The following SCFD2 variants were observed in gnomAD, a reference collection of about 807,000 sequenced individuals.
SCFD2 encodes the protein sec1 family domain-containing protein 2.
SCFD2 carries 54 observed loss-of-function variants against 58.9 expected under a neutral mutation model. The observed-to-expected ratio is 0.92, with a 90% confidence interval of 0.74 to 1.15. The LOEUF is 1.15. Among genes scored for constraint, SCFD2 ranks in the 50% most tolerant of loss-of-function variants. The probability of loss-of-function intolerance (pLI) is 0.00; values close to 1 mark genes in which losing one functional copy is unlikely to be tolerated. For missense variants in SCFD2, 805 were observed against 836.6 expected, an observed-to-expected ratio of 0.96 and a Z score of 0.47; for synonymous variants, 321 against 335.9, an observed-to-expected ratio of 0.96 and a Z score of 0.49.
At chr4:53,172,421 T>G (rs1727207694) in intron 4 of SCFD2, among the ~76,000 whole-genome samples, 1 of 152,352 alleles carries the variant, frequency 6.6e-6, no homozygotes, top group African/African-American at 2.4e-5. Flanking sequence ...TTCCTTGAGA[T>G]AAAACATTAG....
intron 3 of SCFD2, among the ~76,000 whole-genome samples, chr4:53,303,359 C>G (rs1043930993): frequency 1.3e-5 from 2 of 152,190 alleles, no homozygotes; most frequent in African/African-American, 4.8e-5. Context: ...AAATGCTCAT[C>G]ATCACTGGTC....
intron 4 of SCFD2, among the ~76,000 whole-genome samples, chr4:53,182,099 T>C (rs1727581986): frequency 1.3e-5 from 2 of 152,196 alleles, no homozygotes; most frequent in South Asian, 2.1e-4. Flanking sequence ...ATAGATTCAA[T>C]GCCATCCCCA....
chr4:53,066,572 G>GT (rs1382979681), intron 5 of SCFD2, among the ~76,000 whole-genome samples: 4 of 152,090 alleles, frequency 2.6e-5, no homozygotes, highest in South Asian at 2.1e-4. Flanking sequence ...ACTTGCACCT[G>GT]TATGGGTCCT....
At chr4:53,253,395 A>G (rs1450928626) in intron 4 of SCFD2, among the ~76,000 whole-genome samples, 1 of 152,084 alleles carries the variant, frequency 6.6e-6, no homozygotes, top group Non-Finnish European at 1.5e-5. Flanking sequence ...CTGGGTATAT[A>G]CCCAAAGGAC....
intron 5 of SCFD2, among the ~76,000 whole-genome samples, chr4:53,101,429 A>T (rs1724830218): frequency 6.6e-6 from 1 of 152,180 alleles, no homozygotes; most frequent in Non-Finnish European, 1.5e-5. Flanking sequence ...GATTCTAGTT[A>T]ACAGTAATGT....
intron 5 of SCFD2, among the ~76,000 whole-genome samples, chr4:52,976,730 G>A (rs1721267861): frequency 6.6e-6 from 1 of 152,116 alleles, no homozygotes; most frequent in Non-Finnish European, 1.5e-5. Context: ...AACAAGTGTG[G>A]CAGCCCCATT....
At chr4:53,228,466 A>T (rs764510858) in intron 4 of SCFD2, among the ~76,000 whole-genome samples, 3 of 152,178 alleles carry the variant, frequency 2.0e-5, no homozygotes, top group African/African-American at 7.2e-5. Context: ...CAACAATAAC[A>T]TTACCTCTTT....
chr4:52,920,760 T>C lies in SCFD2; in HGVS notation c.1672A>G (p.Lys558Glu). 6.2e-7 allele frequency: 1 copy of C among 1,610,628 alleles called. No individual in the cohort carries two copies. Among genetic ancestry groups the C allele is most frequent in the Non-Finnish European group, 8.5e-7 (1 of 1,177,816 alleles). Residue 558 changes from lysine to glutamate, a missense_variant, in exon 6 of 9, where the codon AAG (lysine) becomes GAG (glutamate). This residue lies in a region of SCFD2 where 633 missense variants were observed against 646.8 expected (regional missense o/e 0.98). Coordinates refer to ENST00000401642, the MANE Select transcript of SCFD2 (RefSeq NM_152540.4). ...TGATTTCCAGGAACATATACAGACT[T>C]AAACTGTTTCAGGAGACTCCGAGCT... ...AGARSLLKQF[K>E]SVYVPGNHTH...
At chr4:53,344,622 A>G (rs990451762) in intron 2 of SCFD2, among the ~76,000 whole-genome samples, 8 of 152,216 alleles carry the variant, frequency 5.3e-5, no homozygotes, top group African/African-American at 1.7e-4. Context: ...ATGGAACCAA[A>G]AAAGAGCCCG....
chr4:53,011,584 G>GT (rs1722094506), intron 5 of SCFD2, among the ~76,000 whole-genome samples: 1 of 152,224 alleles, frequency 6.6e-6, no homozygotes, highest in African/African-American at 2.4e-5. Context: ...CTTGTAGTGT[G>GT]TTGTGTACAT....
chr4:53,001,706 T>C (rs1721869013), intron 5 of SCFD2, among the ~76,000 whole-genome samples: 1 of 152,234 alleles, frequency 6.6e-6, no homozygotes, highest in Non-Finnish European at 1.5e-5. Context: ...TAAATTCCTA[T>C]GTATATGTTT....
At chr4:53,018,743 C>T (rs954165376) in intron 5 of SCFD2, among the ~76,000 whole-genome samples, 1 of 152,244 alleles carries the variant, frequency 6.6e-6, no homozygotes, top group Admixed American at 6.5e-5. Context: ...CTAAATATAA[C>T]AAAACTTACG....
chr4:53,217,338 G>A (rs962662834), intron 4 of SCFD2, among the ~76,000 whole-genome samples: 2 of 152,136 alleles, frequency 1.3e-5, no homozygotes, highest in Non-Finnish European at 2.9e-5. Flanking sequence ...CCGTGTATTG[G>A]GTGCACATAT....
intron 5 of SCFD2, among the ~76,000 whole-genome samples, chr4:52,959,371 C>G (rs1038911228): frequency 6.6e-6 from 1 of 152,058 alleles, no homozygotes; most frequent in South Asian, 2.1e-4. Context: ...GGCTCCATTG[C>G]AAATGTACAA....
At chr4:53,251,083 C>T (rs1189701397) in intron 4 of SCFD2, among the ~76,000 whole-genome samples, 3 of 152,102 alleles carry the variant, frequency 2.0e-5, no homozygotes, top group African/African-American at 4.8e-5. Context: ...TACAAACTAC[C>T]ATCAGATAAT....
intron 5 of SCFD2, among the ~76,000 whole-genome samples, chr4:53,000,217 G>C (rs1312486555): frequency 6.6e-6 from 1 of 152,198 alleles, no homozygotes; most frequent in Non-Finnish European, 1.5e-5. Flanking sequence ...AGAAAGGCCA[G>C]AAAAGCCTCG....
chr4:53,336,314 ATAT>A (rs1318507617), intron 2 of SCFD2, among the ~76,000 whole-genome samples: 1 of 152,170 alleles, frequency 6.6e-6, no homozygotes, highest in Non-Finnish European at 1.5e-5. Flanking sequence ...AAAGAAAGTG[ATAT>A]TATTCTATTT....
At chr4:52,932,516 T>C (rs758919350) in intron 5 of SCFD2, among the ~76,000 whole-genome samples, 23 of 152,208 alleles carry the variant, frequency 1.5e-4, no homozygotes, top group Non-Finnish European at 2.8e-4. Flanking sequence ...TAGGATTCTG[T>C]AAGTATCGGG....
intron 2 of SCFD2, among the ~76,000 whole-genome samples, chr4:53,342,738 C>T (rs1239920103): frequency 6.6e-6 from 1 of 152,080 alleles, no homozygotes; most frequent in East Asian, 1.9e-4. Context: ...TGTAAAAGAA[C>T]AGAAATTATA....
Sources: allele counts gnomAD v4.1 joint callset (sites outside exome capture counted in the v4.1 genomes callset), GRCh38; gene constraint gnomAD v4.1.1; regional missense constraint gnomAD v4.1.1; transcripts MANE v1.5; gene names NCBI Gene and HGNC (gene_info 2026-07-23, HGNC 2026-07-21).